Variants in AUTS2 observed in about 807,000 individuals in gnomAD.
AUTS2 encodes the protein autism susceptibility gene 2 protein.
A neutral mutation model predicts 112.4 loss-of-function variants in AUTS2; 17 were observed. The ratio of observed to expected loss-of-function variants is 0.15; its 90% CI spans 0.10 to 0.23. The LOEUF is 0.23. Among genes scored for constraint, AUTS2 ranks in the 10% least tolerant of loss-of-function variants. The pLI is 1.00. For synonymous variants in AUTS2, 751 were observed against 702.7 expected (o/e 1.07, Z -1.09); for missense variants, 1,510 against 1,701.6 (o/e 0.89, Z 1.98).
At chr7:70,682,166 A>C (rs944565334) in intron 5 of AUTS2, among the ~76,000 whole-genome samples, 1 of 152,220 alleles carries the variant, frequency 6.6e-6, no homozygotes, top group African/African-American at 2.4e-5. Flanking sequence ...TTGAAACTGA[A>C]ATCACAGAAG....
chr7:70,215,668 C>T (rs1811131006), intron 4 of AUTS2, among the ~76,000 whole-genome samples: 1 of 152,084 alleles, frequency 6.6e-6, no homozygotes, highest in African/African-American at 2.4e-5. Context: ...GGACTTATAT[C>T]AGTTGAACTT....
intron 5 of AUTS2, among the ~76,000 whole-genome samples, chr7:70,551,404 C>T (rs1235620141): frequency 6.6e-6 from 1 of 152,122 alleles, no homozygotes; most frequent in Non-Finnish European, 1.5e-5. Context: ...ATTAATAGAA[C>T]AGACCATTGA....
chr7:70,036,395 T>G (rs189720539), intron 2 of AUTS2, among the ~76,000 whole-genome samples: 38 of 152,376 alleles, frequency 2.5e-4, no homozygotes, highest in African/African-American at 9.1e-4. Flanking sequence ...AAGTACAGTT[T>G]TGTTTTACAT....
intron 1 of AUTS2, among the ~76,000 whole-genome samples, chr7:69,697,427 G>A (rs1438469425): frequency 6.6e-6 from 1 of 152,200 alleles, no homozygotes; most frequent in African/African-American, 2.4e-5. Flanking sequence ...GGAACTCACA[G>A]TTGAGAGAGG....
intron 1 of AUTS2, among the ~76,000 whole-genome samples, chr7:69,724,283 T>G (rs1715988972): frequency 6.6e-6 from 1 of 152,216 alleles, no homozygotes; most frequent in Admixed American, 6.5e-5. Context: ...ACGATTTCAT[T>G]AGCTTTTAAT....
chr7:70,086,627 T>G (rs1211446895), intron 2 of AUTS2, among the ~76,000 whole-genome samples: 8 of 130,544 alleles, frequency 6.1e-5, no homozygotes, highest in African/African-American at 2.5e-4. Context: ...GGCAGCTGAG[T>G]GAGACTCCAT....
chr7:69,907,749 A>G (rs891185492), intron 2 of AUTS2, among the ~76,000 whole-genome samples: 17 of 152,238 alleles, frequency 1.1e-4, no homozygotes, highest in Non-Finnish European at 4.4e-5. Context: ...ACATTTTCAT[A>G]TGATACAACT....
chr7:70,182,712 G>C (rs546551236), intron 4 of AUTS2, among the ~76,000 whole-genome samples: 1 of 151,986 alleles, frequency 6.6e-6, no homozygotes, highest in East Asian at 1.9e-4. Context: ...ATTCTAAGCG[G>C]GATCCTTACC....
At chr7:70,165,386 A>T (rs997996685) in intron 4 of AUTS2, among the ~76,000 whole-genome samples, 1 of 152,216 alleles carries the variant, frequency 6.6e-6, no homozygotes, top group Non-Finnish European at 1.5e-5. Context: ...AAAATCAAAG[A>T]TAAAGAAGTC....
chr7:69,957,054 T>C (rs1309554624), intron 2 of AUTS2, among the ~76,000 whole-genome samples: 5 of 150,090 alleles, frequency 3.3e-5, no homozygotes, highest in East Asian at 3.9e-4. Context: ...TTCTTTCTTT[T>C]TTTTTTTTTT....
At chr7:70,496,323 C>T (rs1344623174) in intron 5 of AUTS2, among the ~76,000 whole-genome samples, 2 of 128,130 alleles carry the variant, frequency 1.6e-5, no homozygotes, top group East Asian at 4.9e-4. Context: ...TACACAGTCA[C>T]ACACACGCAC....
chr7:70,315,675 A>G (rs1166564691), intron 4 of AUTS2, among the ~76,000 whole-genome samples: 2 of 152,136 alleles, frequency 1.3e-5, no homozygotes, highest in African/African-American at 2.4e-5. Context: ...ACTTGGCTTG[A>G]TAGTCTCTCT....
intron 4 of AUTS2, among the ~76,000 whole-genome samples, chr7:70,361,376 C>T (rs902772242): frequency 2.0e-5 from 3 of 151,956 alleles, no homozygotes; most frequent in Admixed American, 6.6e-5. Flanking sequence ...CAGATAATGA[C>T]GATAGAGCAA....
intron 4 of AUTS2, among the ~76,000 whole-genome samples, chr7:70,219,186 TAAAATCCA>T (rs971756350): frequency 6.6e-6 from 1 of 152,226 alleles, no homozygotes; most frequent in South Asian, 2.1e-4. Context: ...AATGATGGAA[TAAAATCCA>T]ATGGAAAACA....
intron 2 of AUTS2, among the ~76,000 whole-genome samples, chr7:70,084,534 C>T (rs942472421): frequency 2.6e-5 from 4 of 152,166 alleles, no homozygotes; most frequent in Non-Finnish European, 4.4e-5. Context: ...CATATCCTTG[C>T]CAATACTTGT....
rs543840176 is a variant in AUTS2, at chr7:70,301,266, A to G, written c.661-134486A>G. On this transcript the variant is annotated intron_variant, in intron 4 of 18. Transcript: ENST00000342771. ...AATTTTCCAATGAAAGTTCACTTAAATGAGGGATTCATATATATTAAGGAC... is the reference window on the plus strand; with the variant it reads ...AATTTTCCAATGAAAGTTCACTTAAGTGAGGGATTCATATATATTAAGGAC... 9.2e-5 allele frequency among the ~76,000 whole-genome samples: 14 copies of G among 152,340 alleles called. 1 individual carries two copies. Among genetic ancestry groups the G allele is most frequent in the African/African-American group, 3.4e-4 (14 of 41,586 alleles).
At position 70,577,817 on chromosome 7, in the gene AUTS2, T is replaced by A. The variant is rs68053231; in HGVS notation, c.691-120752T>A. On this transcript the variant is annotated intron_variant, in intron 5 of 18. Coordinates refer to ENST00000342771, the MANE Select transcript of AUTS2 (RefSeq NM_015570.4). ...ATATGTGTTTTATTGGGTTTTTTTT[T>A]AATTTTTTTCTTTATTTTTTTTTTA... 7.6e-3 allele frequency among the ~76,000 whole-genome samples: 1,102 copies of A among 145,418 alleles called. 11 individuals carry two copies. Among genetic ancestry groups the A allele is most frequent in the African/African-American group, 0.022 (851 of 39,422 alleles).
In AUTS2 at chr7:70,118,173, A is replaced by G. The variant is rs1442049129; in HGVS notation, c.564A>G (p.Glu188=). 1 of 1,612,576 alleles carries G rather than the reference A, an allele frequency of 6.2e-7. No homozygotes were observed. Among genetic ancestry groups the G allele is most frequent in the Non-Finnish European group, 8.5e-7 (1 of 1,179,382 alleles). Residue 188 remains glutamate, a synonymous_variant, in exon 3 of 19, where the codon GAA becomes GAG. Coordinates refer to ENST00000342771, the MANE Select transcript of AUTS2 (RefSeq NM_015570.4). The part of the protein sequence containing the change: ...GQNSCRDSDS[E]SASGESKGFH... ...ACAGCTGCAGGGACAGTGACAGTGA[A>G]AGTGCCAGTGGAGAATCCAAGGGCT...
At chr7:70,368,636 T>C (rs940635186) in intron 4 of AUTS2, among the ~76,000 whole-genome samples, 3 of 152,170 alleles carry the variant, frequency 2.0e-5, no homozygotes, top group Non-Finnish European at 2.9e-5. Context: ...TGATGGGAGC[T>C]CCATCTCGGT....
Sources: gnomAD v4.1 joint callset for allele counts (sites outside exome capture counted in the v4.1 genomes callset) on GRCh38, gnomAD v4.1.1 for gene constraint, MANE v1.5 for transcripts, NCBI Gene and HGNC (gene_info 2026-07-23, HGNC 2026-07-21) for gene names.